The following SLC35F4 variants were observed in gnomAD, a reference collection of about 807,000 sequenced individuals.
SLC35F4 encodes chromosome 14 open reading frame 36.
In SLC35F4, 24 loss-of-function variants were observed where a neutral mutation model predicts 44.2. The ratio of observed to expected loss-of-function variants is 0.54; its 90% CI spans 0.39 to 0.76. SLC35F4 has a LOEUF of 0.76. SLC35F4 is among the 30% of genes least tolerant of loss of function. SLC35F4 has a pLI of 0.00. For synonymous variants in SLC35F4, 238 were observed against 223.6 expected, an observed-to-expected ratio of 1.06 and a Z score of -0.57; for missense variants, 562 against 586.1, an observed-to-expected ratio of 0.96 and a Z score of 0.42.
At chr14:57,749,123 G>A (rs935918471) in intron 1 of SLC35F4, among the ~76,000 whole-genome samples, 9 of 152,240 alleles carry the variant, frequency 5.9e-5, no homozygotes, top group East Asian at 5.8e-4. Flanking sequence ...ACTCCGTGAT[G>A]CCAAGAATTA....
intron 3 of SLC35F4, among the ~76,000 whole-genome samples, chr14:57,584,066 T>C (rs1464287613): frequency 2.2e-5 from 3 of 134,496 alleles, no homozygotes; most frequent in African/African-American, 8.3e-5. Flanking sequence ...AAGCATATTT[T>C]ATAGGTGCCT....
intron 1 of SLC35F4, among the ~76,000 whole-genome samples, chr14:57,720,057 T>C (rs1284548723): frequency 2.6e-5 from 4 of 152,228 alleles, no homozygotes; most frequent in Admixed American, 6.5e-5. Context: ...TCAGCAACAG[T>C]TGAAATGATC....
Position 57,707,710 on chromosome 14 carries a change from G to A in SLC35F4, c.104-113586C>T, listed in dbSNP as rs536672598. Among the ~76,000 whole-genome samples, 9 of 152,302 alleles carry A rather than the reference G, an allele frequency of 5.9e-5. 1 individual carries two copies. In the South Asian group the frequency reaches 1.9e-3, roughly 32 times the overall value. On this transcript the variant is annotated intron_variant, in intron 1 of 7. Coordinates refer to ENST00000556826, the MANE Select transcript of SLC35F4 (RefSeq NM_001306087.2). The stretch of plus-strand genomic sequence containing the variant: ...TGGAACTGGGTAATGGGCAGAGGTT[G>A]CAACAGTTTGGAGGACTCAGGAAAA...
In SLC35F4 at chr14:57,964,985, A is replaced by AT. The variant is rs1361527829; in HGVS notation, n.282+16927_282+16928insA. On this transcript the variant is annotated intron_variant and non_coding_transcript_variant, in intron 1 of 1. Coordinates refer to the SLC35F4 transcript ENST00000556568. ...ATGCTCCCATGGGGGAAAAAAAAAAAAAAAAAATATATATATATATATATA... is the reference window on the plus strand; with the variant it reads ...ATGCTCCCATGGGGGAAAAAAAAAAATAAAAAAATATATATATATATATATA... Among the ~76,000 whole-genome samples, 396 of 130,930 alleles carry AT rather than the reference A, an allele frequency of 3.0e-3. 4 individuals are homozygous for AT. The East Asian group carries it at 0.048, about 16-fold the overall frequency. The allele number at this position is 130,930 out of a possible 152,430, so 85.9% of individuals were successfully genotyped here. A position where few individuals can be genotyped will look rare whatever the true frequency, so the allele number is the denominator to read the frequency against.
At chr14:57,667,669 C>T (rs1478709254) in intron 1 of SLC35F4, among the ~76,000 whole-genome samples, 2 of 151,736 alleles carry the variant, frequency 1.3e-5, no homozygotes, top group Admixed American at 6.6e-5. Context: ...TGAACTCATC[C>T]TTGTTTATGG....
At chr14:57,628,114 T>C (rs1388713982) in intron 1 of SLC35F4, among the ~76,000 whole-genome samples, 9 of 152,128 alleles carry the variant, frequency 5.9e-5, no homozygotes, top group Non-Finnish European at 1.3e-4. Flanking sequence ...GGTACGTACA[T>C]TTCAGGACCT....
At chr14:57,717,985 G>A (rs956293114) in intron 1 of SLC35F4, among the ~76,000 whole-genome samples, 5 of 151,994 alleles carry the variant, frequency 3.3e-5, no homozygotes, top group Admixed American at 6.6e-5. Context: ...CTTTTTTGTA[G>A]CCATTAACCA....
chr14:57,655,060 G>A (rs1175238940), intron 1 of SLC35F4, among the ~76,000 whole-genome samples: 1 of 152,042 alleles, frequency 6.6e-6, no homozygotes, highest in Non-Finnish European at 1.5e-5. Context: ...CACCATCTCA[G>A]AATCACCCTG....
intron 1 of SLC35F4, among the ~76,000 whole-genome samples, chr14:57,761,734 A>G (rs1167599741): frequency 1.3e-5 from 2 of 152,218 alleles, no homozygotes; most frequent in Non-Finnish European, 2.9e-5. Flanking sequence ...TAAATAAAGC[A>G]TAAAATTGAT....
At chr14:57,893,547 C>A (rs893211477) in intron 1 of SLC35F4, among the ~76,000 whole-genome samples, 2 of 152,154 alleles carry the variant, frequency 1.3e-5, no homozygotes, top group Non-Finnish European at 2.9e-5. Flanking sequence ...CCCGAGAAAC[C>A]ATTGTACTTA....
chr14:57,883,414 G>A (rs886165980), intron 1 of SLC35F4, among the ~76,000 whole-genome samples: 9 of 152,098 alleles, frequency 5.9e-5, no homozygotes, highest in Non-Finnish European at 7.4e-5. Flanking sequence ...GCTCCATCAC[G>A]CAAACGAAGT....
rs566133188 is a variant in SLC35F4 at position 57,743,258 on chromosome 14, C to T, written c.103+122465G>A. Among the ~76,000 whole-genome samples, 3 of 152,172 alleles carry T rather than the reference C, an allele frequency of 2.0e-5. No individual in the cohort carries two copies. In the East Asian group the frequency reaches 5.8e-4, roughly 29 times the overall value. ...TGAAGGAAATAGAGACATAAAAAAA[C>T]CCTTCAAAAAATCAATGAATCCAGG... On this transcript the variant is annotated intron_variant, in intron 1 of 7. Transcript: ENST00000556826.
In SLC35F4 at chr14:57,791,288, G is replaced by GA. The variant is rs942602810; in HGVS notation, c.103+74434dup. Among the ~76,000 whole-genome samples the GA allele has an allele frequency of 7.3e-4, 110 of 151,354 alleles. 1 individual carries two copies. Among genetic ancestry groups the GA allele is most frequent in the African/African-American group, 2.3e-3 (97 of 41,314 alleles). On this transcript the variant is annotated intron_variant, in intron 1 of 7. Coordinates refer to ENST00000556826, the MANE Select transcript of SLC35F4 (RefSeq NM_001306087.2). Reference sequence around the variant, plus strand: ...ACAGGGAAGTTAAACAAATTTACAAGAAAAAAAACAAACAACCCCATCAAA... The same window carrying GA: ...ACAGGGAAGTTAAACAAATTTACAAGAAAAAAAAACAAACAACCCCATCAAA...
intron 1 of SLC35F4, among the ~76,000 whole-genome samples, chr14:57,638,599 A>G (rs1191479282): frequency 2.0e-5 from 3 of 152,142 alleles, no homozygotes; most frequent in Non-Finnish European, 4.4e-5. Flanking sequence ...CCCTTTAAAG[A>G]AATAAAGTCT....
intron 1 of SLC35F4, among the ~76,000 whole-genome samples, chr14:57,723,658 G>C (rs2140444866): frequency 6.6e-6 from 1 of 152,344 alleles, no homozygotes; most frequent in African/African-American, 2.4e-5. Context: ...CTGTCCATAA[G>C]GCCCACCGGA....
chr14:57,973,769 C>T (rs1266756545), downstream of SLC35F4, among the ~76,000 whole-genome samples: 5 of 152,132 alleles, frequency 3.3e-5, no homozygotes, highest in South Asian at 2.1e-4. Context: ...CAAGTAGGAT[C>T]CATGTCTAGA....
chr14:57,661,539 G>A (rs2140237597), intron 1 of SLC35F4, among the ~76,000 whole-genome samples: 1 of 152,266 alleles, frequency 6.6e-6, no homozygotes, highest in Admixed American at 6.5e-5. Flanking sequence ...ATAAGTACCT[G>A]TAGCAGTAAT....
chr14:57,908,363 G>T (rs1889150446), intron 1 of SLC35F4, among the ~76,000 whole-genome samples: 1 of 152,178 alleles, frequency 6.6e-6, no homozygotes. Context: ...TTGAGGAATT[G>T]CCATACTGTC....
chr14:57,627,505 C>T (rs1452273295), intron 1 of SLC35F4, among the ~76,000 whole-genome samples: 2 of 152,052 alleles, frequency 1.3e-5, no homozygotes, highest in African/African-American at 2.4e-5. Context: ...AATAATTCAA[C>T]CACATTTTTA....
Sources: gnomAD v4.1 joint callset for allele counts (sites outside exome capture counted in the v4.1 genomes callset) on GRCh38, gnomAD v4.1.1 for gene constraint, MANE v1.5 for transcripts, NCBI Gene and HGNC (gene_info 2026-07-23, HGNC 2026-07-21) for gene names.